GBE1: variants seen among roughly 807,000 people sequenced by gnomAD.
The protein encoded by GBE1 is 1,4-alpha-glucan-branching enzyme.
In GBE1, 70 loss-of-function variants were observed where a neutral mutation model predicts 88.8. The ratio of observed to expected loss-of-function variants is 0.79; its 90% CI spans 0.65 to 0.96. The LOEUF (loss-of-function observed/expected upper bound fraction) is 0.96, where lower values mean the gene tolerates loss of function less well. Ranked by LOEUF, GBE1 falls within the 40% of genes least tolerant of loss-of-function variation. GBE1 has a pLI of 0.00. For synonymous variants in GBE1, 284 were observed against 300.1 expected (o/e 0.95, Z 0.56); for missense variants, 872 against 871.0 (o/e 1.00, Z -0.01).
At chr3:81,585,719 T>C (rs542890811) in intron 10 of GBE1, among the ~76,000 whole-genome samples, 1 of 152,304 alleles carries the variant, frequency 6.6e-6, no homozygotes, top group Non-Finnish European at 1.5e-5. Flanking sequence ...TACTGGGAAT[T>C]AAGGAGTAAC....
At chr3:81,680,906 G>A (rs1473743035) in intron 2 of GBE1, among the ~76,000 whole-genome samples, 2 of 152,196 alleles carry the variant, frequency 1.3e-5, no homozygotes, top group Admixed American at 6.5e-5. Context: ...CACCCTGATC[G>A]CAGGCTTCCA....
chr3:81,526,767 T>A (rs1236390150), intron 14 of GBE1, among the ~76,000 whole-genome samples: 2 of 152,056 alleles, frequency 1.3e-5, no homozygotes, highest in Non-Finnish European at 2.9e-5. Context: ...GTAGGAAGAA[T>A]CAATATCATG....
chr3:81,495,366 G>A (rs1354468227), intron 15 of GBE1, among the ~76,000 whole-genome samples: 1 of 152,098 alleles, frequency 6.6e-6, no homozygotes, highest in Non-Finnish European at 1.5e-5. Flanking sequence ...TCCAGCCTGG[G>A]CAACAGAGTG....
intron 1 of GBE1, among the ~76,000 whole-genome samples, chr3:81,728,900 A>AC (rs922933470): frequency 4.2e-5 from 6 of 142,072 alleles, no homozygotes; most frequent in African/African-American, 1.3e-4. Flanking sequence ...CTCCAAATTC[A>AC]CCCCCCCTTT....
At chr3:81,500,754 C>T (rs1702575529) in intron 14 of GBE1, among the ~76,000 whole-genome samples, 2 of 152,170 alleles carry the variant, frequency 1.3e-5, no homozygotes, top group South Asian at 4.1e-4. Flanking sequence ...TAGGCATTGT[C>T]TAAAGACTAA....
At chr3:81,527,381 A>C (rs1271819996) in intron 14 of GBE1, among the ~76,000 whole-genome samples, 1 of 152,160 alleles carries the variant, frequency 6.6e-6, no homozygotes, top group African/African-American at 2.4e-5. Flanking sequence ...GGATCTAATT[A>C]AACTAAAGAG....
intron 7 of GBE1, among the ~76,000 whole-genome samples, chr3:81,611,206 C>T (rs1167689927): frequency 6.6e-6 from 1 of 152,058 alleles, no homozygotes; most frequent in African/African-American, 2.4e-5. Context: ...TATAAAATAG[C>T]AAACAAGGAT....
chr3:81,665,862 A>AGCAGAGTTCTCGCAG (rs1187268296), intron 3 of GBE1, among the ~76,000 whole-genome samples: 1 of 152,210 alleles, frequency 6.6e-6, no homozygotes, highest in East Asian at 1.9e-4. Context: ...AGTGGTAATG[A>AGCAGAGTTCTCGCAG]AGGTGCAGCC....
intron 14 of GBE1, among the ~76,000 whole-genome samples, chr3:81,502,461 C>A (rs985837316): frequency 6.6e-6 from 1 of 152,164 alleles, no homozygotes; most frequent in African/African-American, 2.4e-5. Flanking sequence ...TCACCCAGTT[C>A]TGTGTCTACA....
At chr3:81,526,872 T>A (rs565505995) in intron 14 of GBE1, among the ~76,000 whole-genome samples, 2 of 152,070 alleles carry the variant, frequency 1.3e-5, no homozygotes, top group African/African-American at 2.4e-5. Context: ...AAAACTACTT[T>A]AAAGTTCATA....
chr3:81,579,317 A>C (rs547492570), intron 11 of GBE1, among the ~76,000 whole-genome samples: 45 of 152,196 alleles, frequency 3.0e-4, no homozygotes, highest in South Asian at 8.3e-4. Flanking sequence ...TAAGAATCAA[A>C]GTACATTTGC....
At chr3:81,538,218 A>C (rs1181642691) in intron 12 of GBE1, among the ~76,000 whole-genome samples, 1 of 151,966 alleles carries the variant, frequency 6.6e-6, no homozygotes, top group Non-Finnish European at 1.5e-5. Flanking sequence ...CCTACTTCAA[A>C]TACACTGCAT....
intron 7 of GBE1, among the ~76,000 whole-genome samples, chr3:81,633,439 T>C (rs1704546375): frequency 6.6e-6 from 1 of 152,188 alleles, no homozygotes; most frequent in East Asian, 1.9e-4. Flanking sequence ...CCTATACCTA[T>C]TCTCTATACT....
At chr3:81,631,579 C>CA (rs562649713) in intron 7 of GBE1, among the ~76,000 whole-genome samples, 13,319 of 139,440 alleles carry the variant, frequency 0.096, 1,111 homozygotes, top group African/African-American at 0.23. Flanking sequence ...TACTAAAATA[C>CA]AAAAAAAAAA....
intron 1 of GBE1, among the ~76,000 whole-genome samples, chr3:81,725,000 A>G (rs565025045): frequency 1.3e-5 from 2 of 152,300 alleles, no homozygotes; most frequent in South Asian, 4.1e-4. Context: ...ATTTTTGGAC[A>G]CAAGGCCTAC....
chr3:81,645,451 C>T (rs189010586), intron 6 of GBE1, among the ~76,000 whole-genome samples: 1 of 152,218 alleles, frequency 6.6e-6, no homozygotes, highest in Admixed American at 6.5e-5. Flanking sequence ...TCATTGTCCT[C>T]AACAATGTGA....
intron 7 of GBE1, among the ~76,000 whole-genome samples, chr3:81,634,148 C>T (rs1018223553): frequency 1.3e-5 from 2 of 152,208 alleles, no homozygotes; most frequent in Non-Finnish European, 2.9e-5. Flanking sequence ...TTACCTGCCT[C>T]GTTCGCGAGT....
intron 15 of GBE1, among the ~76,000 whole-genome samples, chr3:81,497,517 A>G (rs553804197): frequency 1.3e-5 from 2 of 152,188 alleles, no homozygotes; most frequent in African/African-American, 4.8e-5. Flanking sequence ...TGCAGTGCAA[A>G]AAAAGTTAAA....
At chr3:81,565,219 A>G (rs1304514716) in intron 12 of GBE1, among the ~76,000 whole-genome samples, 1 of 152,178 alleles carries the variant, frequency 6.6e-6, no homozygotes, top group Non-Finnish European at 1.5e-5. Flanking sequence ...AGTTTTTCAC[A>G]GCTCAGTTTT....
Sources: gnomAD v4.1 joint callset for allele counts (sites outside exome capture counted in the v4.1 genomes callset) on GRCh38, gnomAD v4.1.1 for gene constraint, MANE v1.5 for transcripts, NCBI Gene and HGNC (gene_info 2026-07-23, HGNC 2026-07-21) for gene names.